PCM1: variants seen among roughly 807,000 people sequenced by gnomAD.
PCM1 encodes pericentriolar material 1 protein.
In PCM1, 157 loss-of-function variants were observed where a neutral mutation model predicts 241.9. That is an observed-to-expected ratio of 0.65 (90% CI 0.57 to 0.74). The LOEUF (loss-of-function observed/expected upper bound fraction) is 0.74. Among genes scored for constraint, PCM1 ranks in the 30% least tolerant of loss-of-function variants. The probability of loss-of-function intolerance (pLI) is 0.00; values close to 1 mark genes in which losing one functional copy is unlikely to be tolerated. For synonymous variants in PCM1, 1,085 were observed against 784.9 expected (o/e 1.38, Z -6.39); for missense variants, 3,478 against 2,360.1 (o/e 1.47, Z -9.81).
At chr8:18,024,839 G>C (rs2094050885) in intron 36 of PCM1, 1 of 152,172 alleles carries the variant, frequency 6.6e-6, no homozygotes, top group South Asian at 2.1e-4. Context: ...TTGGATAATT[G>C]GTAGAATTAT....
chr8:18,024,505 A>G (rs113934667), intron 36 of PCM1, among the ~76,000 whole-genome samples: 12 of 152,232 alleles, frequency 7.9e-5, no homozygotes, highest in African/African-American at 2.7e-4. Flanking sequence ...GTACAATTAT[A>G]CATTTAAAAC....
At chr8:17,946,943 T>C (rs904960145) in intron 6 of PCM1, among the ~76,000 whole-genome samples, 2 of 151,968 alleles carry the variant, frequency 1.3e-5, no homozygotes, top group Non-Finnish European at 2.9e-5. Flanking sequence ...TTCATTCCTC[T>C]TCCTGCTGAG....
chr8:17,958,690 G>A (rs34842261), intron 13 of PCM1, among the ~76,000 whole-genome samples: 4,069 of 151,648 alleles, frequency 0.027, 87 homozygotes, highest in East Asian at 0.067. Flanking sequence ...AAAGGTGAGC[G>A]TGCTCTCTCG....
intron 6 of PCM1, among the ~76,000 whole-genome samples, chr8:17,941,143 T>G (rs911913941): frequency 6.6e-6 from 1 of 152,158 alleles, no homozygotes; most frequent in Non-Finnish European, 1.5e-5. Context: ...GAAGAATGGA[T>G]TTTACTGTGG....
chr8:18,009,689 A>G lies in PCM1; in HGVS notation c.5105A>G (p.Gln1702Arg). Residue 1702 changes from glutamine (Q) to arginine (R), a missense_variant, in exon 31 of 39, where the codon CAG becomes CGG. Gln to Arg is a conservative substitution (Grantham distance 43). Transcript: ENST00000325083. ...GATAATAATAGTATAACTGTTAAAC[A>G]GAGATGCAAAAGGAAAATAGAAGCA... ...DLDNNSITVK[Q>R]RCKRKIEATG... The G allele has an allele frequency of 1.3e-6, 2 of 1,525,840 alleles. No individual in the cohort carries two copies. Among genetic ancestry groups the G allele is most frequent in the Non-Finnish European group, 8.8e-7 (1 of 1,138,270 alleles). The allele number at this position is 1,525,840 out of a possible 1,614,324, so 94.5% of individuals were successfully genotyped here.
chr8:17,999,822 C>A (rs1475606998), intron 29 of PCM1, among the ~76,000 whole-genome samples: 4 of 151,922 alleles, frequency 2.6e-5, no homozygotes, highest in African/African-American at 9.7e-5. Flanking sequence ...GTTCTGCCAT[C>A]TTGCTCCACC....
intron 23 of PCM1, among the ~76,000 whole-genome samples, chr8:17,973,955 A>ATAT (rs2077753460): frequency 6.6e-6 from 1 of 152,212 alleles, no homozygotes; most frequent in Non-Finnish European, 1.5e-5. Flanking sequence ...AACCACAGAT[A>ATAT]CAAGAGAATA....
At chr8:18,017,783 G>A (rs1242220224) in intron 36 of PCM1, among the ~76,000 whole-genome samples, 1 of 152,182 alleles carries the variant, frequency 6.6e-6, no homozygotes, top group Non-Finnish European at 1.5e-5. Context: ...AACCCAGTGG[G>A]TGGAGGTTGT....
chr8:17,935,548 T>G, intron 2 of PCM1, 41 bp from the exon 3 acceptor site: 1 of 697,942 alleles, frequency 1.4e-6, no homozygotes, highest in Non-Finnish European at 2.6e-6. Flanking sequence ...TTGAATTTGT[T>G]TTTATGTGTT....
At chr8:18,005,899 G>GT (rs913160563) in intron 29 of PCM1, among the ~76,000 whole-genome samples, 1 of 152,126 alleles carries the variant, frequency 6.6e-6, no homozygotes, top group Non-Finnish European at 1.5e-5. Flanking sequence ...GAGTATGCTT[G>GT]TAAGAGTATT....
At chr8:17,991,501 C>T (rs775657359) in intron 27 of PCM1, 41 bp from the exon 28 acceptor site, 17 of 1,501,180 alleles carry the variant, frequency 1.1e-5, no homozygotes, top group Non-Finnish European at 1.5e-5. Context: ...TGAAAAAGTT[C>T]ACTTTTACAT....
intron 30 of PCM1, among the ~76,000 whole-genome samples, chr8:18,007,216 C>T (rs2091576298): frequency 6.6e-6 from 1 of 152,128 alleles, no homozygotes; most frequent in African/African-American, 2.4e-5. Flanking sequence ...ATCTTTATTA[C>T]AGAATTTTCT....
At position 17,957,769 on chromosome 8, in the gene PCM1, G is replaced by C. The variant is rs190091576; in HGVS notation, c.2034G>C (p.Met678Ile). The C allele has an allele frequency of 1.2e-6, 2 of 1,605,840 alleles. No individual in the cohort carries two copies. The highest frequency in any genetic ancestry group is 1.7e-6 in the Non-Finnish European group (2 of 1,173,058). ...GACAGTTACAAGATCTTGTTGCTAT[G>C]GTACAGGTAAATATTGCTTGGTCTT... is the stretch of plus-strand genomic sequence containing the variant. ...KLRQLQDLVAMVQDDDAAQGV... is the reference protein window; with the variant it reads ...KLRQLQDLVAIVQDDDAAQGV... The change falls in exon 13 of 39, where the codon ATG (methionine) becomes ATC (isoleucine). Residue 678 changes from methionine to isoleucine, a missense_variant. Transcript: ENST00000325083.
intron 6 of PCM1, among the ~76,000 whole-genome samples, chr8:17,946,662 A>C (rs913302239): frequency 2.6e-5 from 4 of 152,016 alleles, no homozygotes; most frequent in African/African-American, 9.7e-5. Flanking sequence ...ACACCCGGCT[A>C]ATTTTTGTAT....
chr8:17,939,346 T>C (rs1204545400), intron 5 of PCM1, among the ~76,000 whole-genome samples: 1 of 152,180 alleles, frequency 6.6e-6, no homozygotes, highest in African/African-American at 2.4e-5. Flanking sequence ...TTTGAAAAGT[T>C]GTAAAACTAT....
At chr8:18,006,133 C>A in intron 29 of PCM1, 130 bp from the exon 30 acceptor site, 1 of 717,340 alleles carries the variant, frequency 1.4e-6, no homozygotes, top group African/African-American at 1.8e-5. Context: ...TATTTCTAAA[C>A]AGACATCTGA....
chr8:17,942,018 T>C (rs907266256), intron 6 of PCM1, among the ~76,000 whole-genome samples: 1 of 152,220 alleles, frequency 6.6e-6, no homozygotes, highest in Non-Finnish European at 1.5e-5. Flanking sequence ...TCTACTTTGT[T>C]ATATACCTCT....
rs2094147333 is a variant in PCM1 at position 18,025,780 on chromosome 8, A to G, written c.6049+122A>G. On this transcript the variant is annotated intron_variant, in intron 38 of 38. Coordinates refer to ENST00000325083, the MANE Select transcript of PCM1 (RefSeq NM_006197.4). The stretch of plus-strand genomic sequence containing the variant: ...GGGAGATTTAAGCCAAATACTAGAA[A>G]GAAAGTGTAATTCTGTAAGAATTTT... The G allele has an allele frequency of 1.1e-5, 7 of 611,636 alleles. No individual in the cohort carries two copies. The East Asian group carries it at 2.1e-4, about 18-fold the overall frequency. The allele number at this position is 611,636 out of a possible 1,614,324, so 37.9% of individuals were successfully genotyped here.
rs762038136 is a variant in PCM1, at chr8:17,947,295, G to T, written c.893G>T (p.Gly298Val). 1.2e-6 allele frequency: 2 copies of T among 1,612,928 alleles called. No homozygotes were observed. Among genetic ancestry groups the T allele is most frequent in the Non-Finnish European group, 1.7e-6 (2 of 1,179,180 alleles). ...QQQEQLRALQGRQAALLALQH... is the reference protein window; with the variant it reads ...QQQEQLRALQVRQAALLALQH... The stretch of plus-strand genomic sequence containing the variant: ...CAGGAGCAACTAAGAGCTCTACAGG[G>T]ACGGCAGGCTGCACTTCTAGCTCTG... The change falls in exon 7 of 39, where the codon GGA becomes GTA. Residue 298 changes from glycine (G) to valine (V), a missense_variant. Transcript: ENST00000325083.
Sources: allele counts gnomAD v4.1 joint callset (sites outside exome capture counted in the v4.1 genomes callset), GRCh38; gene constraint gnomAD v4.1.1; transcripts MANE v1.5; gene names NCBI Gene and HGNC (gene_info 2026-07-23, HGNC 2026-07-21).